The following CDH18 variants were observed in gnomAD, a reference collection of about 807,000 sequenced individuals.
The protein encoded by CDH18 is cadherin 18, also known as cadherin-18.
CDH18 carries 31 observed loss-of-function variants against 67.9 expected under a neutral mutation model. The observed-to-expected ratio is 0.46, with a 90% CI of 0.34 to 0.62. The LOEUF is 0.62. CDH18 is among the 20% of genes least tolerant of loss of function. CDH18 has a pLI of 0.01. For missense variants in CDH18, 890 were observed against 975.5 expected, an observed-to-expected ratio of 0.91 and a Z score of 1.17; for synonymous variants, 362 against 347.2, an observed-to-expected ratio of 1.04 and a Z score of -0.48.
At position 19,773,339 on chromosome 5, in the gene CDH18, A is replaced by C. The variant is rs368369592; in HGVS notation, c.229-26103T>G. On this transcript the variant is annotated intron_variant, in intron 3 of 12. Coordinates refer to ENST00000382275, the MANE Select transcript of CDH18 (RefSeq NM_004934.5). The stretch of plus-strand genomic sequence containing the variant: ...GTTTTTATTTAAAAAAGATATATCC[A>C]TGCAATTATTTTAATCTAAAAATAG... Among the ~76,000 whole-genome samples the C allele has an allele frequency of 3.6e-4, 55 of 152,318 alleles. No individual in the cohort carries two copies. In the South Asian group the frequency reaches 0.011, roughly 30 times the overall value.
intron 4 of CDH18, among the ~76,000 whole-genome samples, chr5:19,728,980 G>A (rs928084316): frequency 6.6e-6 from 1 of 151,770 alleles, no homozygotes; most frequent in Non-Finnish European, 1.5e-5. Context: ...ATAAAGTTTT[G>A]AGTATTAACT....
chr5:20,454,247 T>A (rs1178891075), intron 1 of CDH18, among the ~76,000 whole-genome samples: 1 of 152,138 alleles, frequency 6.6e-6, no homozygotes, highest in Non-Finnish European at 1.5e-5. Context: ...TAGATTCAAC[T>A]TTGGTTTTGA....
intron 3 of CDH18, among the ~76,000 whole-genome samples, chr5:19,793,451 G>A (rs1182236169): frequency 6.6e-6 from 1 of 152,064 alleles, no homozygotes; most frequent in Non-Finnish European, 1.5e-5. Context: ...GAGCTAAGGT[G>A]ATCATAAGGT....
intron 1 of CDH18, among the ~76,000 whole-genome samples, chr5:20,358,273 A>C (rs1251821715): frequency 2.0e-5 from 3 of 152,178 alleles, no homozygotes; most frequent in Non-Finnish European, 2.9e-5. Context: ...TAACCATGTA[A>C]CAAATCTGCA....
chr5:19,920,893 G>GCGCACACACA lies in CDH18; in HGVS notation c.-257+60166_-257+60167insTGTGTGTGCG, dbSNP rs1554064294. ...ATTATATATATGTATACCCACAAGA[G>GCGCACACACA]CACACACACACACACACACACACAC... is the stretch of plus-strand genomic sequence containing the variant. On this transcript the variant is annotated intron_variant, in intron 2 of 12. Coordinates refer to ENST00000382275, the MANE Select transcript of CDH18 (RefSeq NM_004934.5). Among the ~76,000 whole-genome samples the GCGCACACACA allele has an allele frequency of 5.0e-3, 728 of 146,204 alleles. 7 individuals are homozygous for GCGCACACACA. Among genetic ancestry groups the GCGCACACACA allele is most frequent in the African/African-American group, 0.018 (691 of 39,394 alleles).
At chr5:20,421,566 T>C (rs1273684354) in intron 1 of CDH18, among the ~76,000 whole-genome samples, 2 of 151,048 alleles carry the variant, frequency 1.3e-5, no homozygotes, top group African/African-American at 4.9e-5. Context: ...GAAATTTTTA[T>C]ATTAAGAATG....
chr5:19,995,089 C>T (rs1035121414), intron 2 of CDH18, among the ~76,000 whole-genome samples: 1 of 151,382 alleles, frequency 6.6e-6, no homozygotes, highest in African/African-American at 2.4e-5. Context: ...TTTTATTCTA[C>T]TCAGGCACTC....
At chr5:19,750,819 G>T (rs1471956099) in intron 3 of CDH18, among the ~76,000 whole-genome samples, 1 of 145,506 alleles carries the variant, frequency 6.9e-6, no homozygotes, top group Admixed American at 6.9e-5. Flanking sequence ...TTGTAGCAGG[G>T]TCTGAATGTA....
rs1004492156 is a variant in CDH18 at position 19,541,043 on chromosome 5, C to T, written c.1390+2826G>A. Among the ~76,000 whole-genome samples, 12 of 151,962 alleles carry T rather than the reference C, an allele frequency of 7.9e-5. No homozygotes were observed. The East Asian group carries it at 1.4e-3, about 17-fold the overall frequency. On this transcript the variant is annotated intron_variant, in intron 9 of 12. Coordinates refer to ENST00000382275, the MANE Select transcript of CDH18 (RefSeq NM_004934.5). ...CTCTGCTTCCTCTTGAACTCTTTGT[C>T]GCTTAGAGATTTCTTCCACCAGATA...
chr5:19,748,049 C>T (rs1770292033), intron 3 of CDH18, among the ~76,000 whole-genome samples: 1 of 134,410 alleles, frequency 7.4e-6, no homozygotes, highest in African/African-American at 2.8e-5. Flanking sequence ...GGAGGCGGAG[C>T]TTGCAGTGAG....
chr5:20,255,444 C>T (rs1191180385), exon 2 of CDH18: 1 of 151,754 alleles, frequency 6.6e-6, no homozygotes, highest in African/African-American at 2.4e-5. Flanking sequence ...TAAGTTTTAC[C>T]TTTTAAATCA....
rs543717244 is a variant in CDH18, at chr5:20,322,028, A to G, written c.-579-66523T>C. 5.9e-5 allele frequency among the ~76,000 whole-genome samples: 9 copies of G among 152,258 alleles called. No homozygotes were observed. In the South Asian group the frequency reaches 1.9e-3, roughly 32 times the overall value. On this transcript the variant is annotated intron_variant, in intron 1 of 14. Transcript: ENST00000507958. ...TAAAGATGCTTGGCTAAGAGAACAT[A>G]TCTGTGGTTACAGGCTTTAATTAGA... is the stretch of plus-strand genomic sequence containing the variant.
At chr5:20,305,622 A>G in intron 1 of CDH18, 2 of 479,938 alleles carry the variant, frequency 4.2e-6, no homozygotes, top group East Asian at 8.7e-5. Flanking sequence ...CGGCAAACCC[A>G]GAGACTCAAA....
At chr5:19,686,038 T>C (rs1325405773) in intron 5 of CDH18, among the ~76,000 whole-genome samples, 1 of 152,156 alleles carries the variant, frequency 6.6e-6, no homozygotes, top group African/African-American at 2.4e-5. Context: ...AATAAATTCC[T>C]AGAAGTGTGG....
chr5:20,520,165 T>C (rs1212887647), intron 1 of CDH18, among the ~76,000 whole-genome samples: 1 of 151,590 alleles, frequency 6.6e-6, no homozygotes, highest in Non-Finnish European at 1.5e-5. Flanking sequence ...CCACTGAAGA[T>C]TATCTGGGAC....
intron 3 of CDH18, among the ~76,000 whole-genome samples, chr5:19,830,189 G>T (rs1161129832): frequency 6.6e-6 from 1 of 152,030 alleles, no homozygotes; most frequent in South Asian, 2.1e-4. Flanking sequence ...AATGACAAAT[G>T]GGACCTAGTT....
At chr5:19,600,345 T>C (rs964326257) in intron 6 of CDH18, among the ~76,000 whole-genome samples, 23 of 151,762 alleles carry the variant, frequency 1.5e-4, no homozygotes, top group Admixed American at 1.2e-3. Flanking sequence ...CTTAAAAGTA[T>C]AATAATTAAA....
At chr5:20,424,745 TAAAAAAA>T (rs67349001) in intron 1 of CDH18, among the ~76,000 whole-genome samples, 4 of 42,910 alleles carry the variant, frequency 9.3e-5, no homozygotes, top group Non-Finnish European at 7.3e-5. Context: ...AGACTCTGTC[TAAAAAAA>T]AAAAAAAAAA....
intron 8 of CDH18, among the ~76,000 whole-genome samples, chr5:19,559,921 C>CAA (rs371611637): frequency 3.2e-4 from 42 of 131,630 alleles, no homozygotes; most frequent in African/African-American, 9.2e-4. Context: ...GTTGCAAAAA[C>CAA]AAACAAAAAA....
Sources: allele counts gnomAD v4.1 joint callset (sites outside exome capture counted in the v4.1 genomes callset), GRCh38; gene constraint gnomAD v4.1.1; transcripts MANE v1.5; gene names NCBI Gene and HGNC (gene_info 2026-07-23, HGNC 2026-07-21).